NDUFAF2: variants seen among roughly 807,000 people sequenced by gnomAD.
NDUFAF2 encodes the protein NADH:ubiquinone oxidoreductase complex assembly factor 2.
NDUFAF2 carries 13 observed loss-of-function variants against 22.8 expected under a neutral mutation model. The observed-to-expected ratio is 0.57, with a 90% CI of 0.37 to 0.91. The LOEUF is 0.91. Among genes scored for constraint, NDUFAF2 ranks in the 40% least tolerant of loss-of-function variants. The probability of loss-of-function intolerance (pLI) is 0.01; values close to 1 mark genes in which losing one functional copy is unlikely to be tolerated. For missense variants in NDUFAF2, 162 were observed against 195.2 expected, an observed-to-expected ratio of 0.83 and a Z score of 1.01; for synonymous variants, 53 against 64.2, an observed-to-expected ratio of 0.83 and a Z score of 0.84.
chr5:60,965,244 A>C (rs1750739264), intron 1 of NDUFAF2, among the ~76,000 whole-genome samples: 1 of 152,190 alleles, frequency 6.6e-6, no homozygotes, highest in African/African-American at 2.4e-5. Flanking sequence ...CTCCGACTTT[A>C]TTAAGGTATA....
chr5:61,011,069 T>C (rs1160132709), intron 1 of NDUFAF2, among the ~76,000 whole-genome samples: 1 of 152,176 alleles, frequency 6.6e-6, no homozygotes, highest in Non-Finnish European at 1.5e-5. Flanking sequence ...CCCTGGAGTC[T>C]TGTCCTCCAT....
chr5:60,973,700 A>T (rs1750865494), intron 1 of NDUFAF2, among the ~76,000 whole-genome samples: 1 of 152,128 alleles, frequency 6.6e-6, no homozygotes, highest in Non-Finnish European at 1.5e-5. Flanking sequence ...CTTGGAGTTG[A>T]TCTTTCTAGG....
At chr5:61,133,843 C>T (rs1308488277) in intron 3 of NDUFAF2, among the ~76,000 whole-genome samples, 3 of 152,162 alleles carry the variant, frequency 2.0e-5, no homozygotes, top group African/African-American at 7.2e-5. Flanking sequence ...TTGTGGGAGA[C>T]AGAAAGGCAT....
At chr5:60,975,593 A>C (rs1750892043) in intron 1 of NDUFAF2, among the ~76,000 whole-genome samples, 1 of 152,196 alleles carries the variant, frequency 6.6e-6, no homozygotes, top group African/African-American at 2.4e-5. Flanking sequence ...GATCTCCTAC[A>C]GTCAGTATAG....
intron 3 of NDUFAF2, among the ~76,000 whole-genome samples, chr5:61,100,385 A>G (rs999231203): frequency 6.6e-6 from 1 of 152,094 alleles, no homozygotes; most frequent in African/African-American, 2.4e-5. Flanking sequence ...TCAGCACCTC[A>G]AACAATCTCT....
intron 1 of NDUFAF2, among the ~76,000 whole-genome samples, chr5:61,043,679 A>ATG (rs373302097): frequency 0.032 from 4,838 of 149,284 alleles, 95 homozygotes; most frequent in Admixed American, 0.064. Flanking sequence ...AGCTGTATAT[A>ATG]TGTGTGTGTG....
chr5:61,085,107 C>T (rs1290923135), intron 2 of NDUFAF2, among the ~76,000 whole-genome samples: 2 of 152,088 alleles, frequency 1.3e-5, no homozygotes, highest in Non-Finnish European at 2.9e-5. Flanking sequence ...TAAAGAGATA[C>T]TACAAACCAG....
intron 1 of NDUFAF2, among the ~76,000 whole-genome samples, chr5:61,049,834 A>G (rs1266666466): frequency 6.6e-6 from 1 of 151,762 alleles, no homozygotes; most frequent in African/African-American, 2.4e-5. Context: ...ATATATAAAT[A>G]CACACATACA....
chr5:61,019,343 A>T (rs768033633), intron 1 of NDUFAF2, among the ~76,000 whole-genome samples: 1 of 152,092 alleles, frequency 6.6e-6, no homozygotes, highest in Non-Finnish European at 1.5e-5. Context: ...TAAGTGCTGT[A>T]TAAGTATTAG....
chr5:61,013,340 T>TTTTAATTTTAATTTTAA (rs1368454998), intron 1 of NDUFAF2, among the ~76,000 whole-genome samples: 1 of 152,128 alleles, frequency 6.6e-6, no homozygotes, highest in Admixed American at 6.5e-5. Flanking sequence ...TGGATTTTAA[T>TTTTAATTTTAATTTTAA]TTTGTTTAAT....
intron 3 of NDUFAF2, among the ~76,000 whole-genome samples, chr5:61,146,661 G>T (rs1741142476): frequency 6.6e-6 from 1 of 152,052 alleles, no homozygotes; most frequent in African/African-American, 2.4e-5. Flanking sequence ...ATTTGATTTG[G>T]ATGTGCCTTG....
intron 1 of NDUFAF2, among the ~76,000 whole-genome samples, chr5:60,951,865 T>C (rs963526663): frequency 9.2e-5 from 14 of 152,036 alleles, no homozygotes; most frequent in African/African-American, 3.4e-4. Context: ...AATTCAAAGA[T>C]AATAAATTTT....
In NDUFAF2 at chr5:60,962,706, G is replaced by A. The variant is rs573552070; in HGVS notation, c.127+17324G>A. On this transcript the variant is annotated intron_variant, in intron 1 of 3. Coordinates refer to ENST00000296597, the MANE Select transcript of NDUFAF2 (RefSeq NM_174889.5). The stretch of plus-strand genomic sequence containing the variant: ...AAATTAGCCAGGCCTGGTGGCACGC[G>A]CCTGTAGTCCCAGCTACTTTGGAGT... 2.2e-4 allele frequency among the ~76,000 whole-genome samples: 33 copies of A among 151,384 alleles called. 1 individual carries two copies. The highest frequency in any genetic ancestry group is 1.7e-3 in the Admixed American group (26 of 15,214).
intron 1 of NDUFAF2, among the ~76,000 whole-genome samples, chr5:60,965,528 C>T (rs1750748272): frequency 6.6e-6 from 1 of 152,100 alleles, no homozygotes; most frequent in Admixed American, 6.5e-5. Context: ...CCCATTTCCC[C>T]ACCCCAGCCC....
At chr5:61,094,431 T>C (rs1035047814) in intron 2 of NDUFAF2, among the ~76,000 whole-genome samples, 10 of 152,230 alleles carry the variant, frequency 6.6e-5, no homozygotes, top group Non-Finnish European at 1.0e-4. Context: ...GGTTACAACA[T>C]GCTCCATTAG....
chr5:61,098,690 T>C (rs1752672358), intron 2 of NDUFAF2, among the ~76,000 whole-genome samples: 1 of 152,214 alleles, frequency 6.6e-6, no homozygotes, highest in Non-Finnish European at 1.5e-5. Context: ...CAGTCGAATT[T>C]AGATGATTAG....
At chr5:60,952,986 C>A (rs917685869) in intron 1 of NDUFAF2, among the ~76,000 whole-genome samples, 1 of 151,924 alleles carries the variant, frequency 6.6e-6, no homozygotes, top group African/African-American at 2.4e-5. Context: ...TGGGATACCC[C>A]CAAGTGGCCT....
intron 3 of NDUFAF2, among the ~76,000 whole-genome samples, chr5:61,106,784 G>A (rs972551315): frequency 2.0e-5 from 3 of 150,920 alleles, no homozygotes; most frequent in Admixed American, 1.3e-4. Flanking sequence ...ACATGTGAAG[G>A]TTATCTTTCT....
At chr5:61,138,411 A>G (rs1311713086) in intron 3 of NDUFAF2, among the ~76,000 whole-genome samples, 1 of 152,192 alleles carries the variant, frequency 6.6e-6, no homozygotes, top group Admixed American at 6.5e-5. Flanking sequence ...AAGTAAATGT[A>G]TACAGTTGCG....
Sources: allele counts gnomAD v4.1 joint callset (sites outside exome capture counted in the v4.1 genomes callset), GRCh38; gene constraint gnomAD v4.1.1; transcripts MANE v1.5; gene names NCBI Gene and HGNC (gene_info 2026-07-23, HGNC 2026-07-21).